The following GPC6 variants were observed in gnomAD, a reference collection of about 807,000 sequenced individuals.
GPC6 encodes glypican 6, also known as glypican-6.
GPC6 carries 14 observed loss-of-function variants against 55.2 expected under a neutral mutation model. The observed-to-expected ratio is 0.25, with a 90% CI of 0.17 to 0.40. The LOEUF is 0.40. GPC6 is among the 10% of genes least tolerant of loss of function. The probability of loss-of-function intolerance (pLI) is 1.00; values close to 1 mark genes in which losing one functional copy is unlikely to be tolerated. For synonymous variants in GPC6, 278 were observed against 259.6 expected (o/e 1.07, Z -0.68); for missense variants, 641 against 708.5 (o/e 0.90, Z 1.08).
intron 1 of GPC6, among the ~76,000 whole-genome samples, chr13:93,403,077 T>G (rs118099442): frequency 1.3e-5 from 2 of 152,168 alleles, no homozygotes; most frequent in African/African-American, 4.8e-5. Flanking sequence ...AAAATAAGGA[T>G]TTAATAAAAG....
At chr13:93,603,623 C>T (rs1436481638) in intron 2 of GPC6, among the ~76,000 whole-genome samples, 1 of 152,208 alleles carries the variant, frequency 6.6e-6, no homozygotes, top group Non-Finnish European at 1.5e-5. Context: ...TCTCACTGCT[C>T]TATCTCTCAA....
chr13:93,805,825 C>T (rs961453147), intron 2 of GPC6, among the ~76,000 whole-genome samples: 2 of 152,138 alleles, frequency 1.3e-5, no homozygotes, highest in Admixed American at 6.5e-5. Context: ...CTCATTTGTT[C>T]CCCTTTTATT....
intron 2 of GPC6, among the ~76,000 whole-genome samples, chr13:93,731,471 G>A (rs1314169102): frequency 6.6e-6 from 1 of 152,096 alleles, no homozygotes; most frequent in Non-Finnish European, 1.5e-5. Context: ...TTAGCTTGGT[G>A]GTTCTATCTC....
chr13:94,369,829 G>A (rs1349624485), intron 6 of GPC6, among the ~76,000 whole-genome samples: 4 of 152,022 alleles, frequency 2.6e-5, no homozygotes, highest in Non-Finnish European at 2.9e-5. Context: ...TTCCCTAAAA[G>A]CCTGAATGAA....
intron 4 of GPC6, among the ~76,000 whole-genome samples, chr13:94,207,966 A>G (rs543285075): frequency 3.3e-5 from 5 of 152,326 alleles, no homozygotes; most frequent in African/African-American, 9.6e-5. Context: ...CATTTGAGAT[A>G]AATTACCAGC....
chr13:94,272,838 C>G (rs7323312), intron 4 of GPC6, among the ~76,000 whole-genome samples: 22,216 of 151,938 alleles, frequency 0.15, 1,729 homozygotes, highest in Middle Eastern at 0.22. Flanking sequence ...TAGAAAGATA[C>G]CTGGCCGAAA....
intron 1 of GPC6, among the ~76,000 whole-genome samples, chr13:93,352,581 A>G (rs1880669830): frequency 6.6e-6 from 1 of 152,132 alleles, no homozygotes; most frequent in South Asian, 2.1e-4. Context: ...CATAGGTAGC[A>G]TCCTATGAGG....
chr13:93,541,693 T>A (rs2139427855), intron 1 of GPC6, among the ~76,000 whole-genome samples: 1 of 142,568 alleles, frequency 7.0e-6, no homozygotes, highest in Non-Finnish European at 1.5e-5. Flanking sequence ...CACCTGTTGT[T>A]TCCTGACTTT....
chr13:93,822,894 C>T (rs923654328), intron 2 of GPC6, among the ~76,000 whole-genome samples: 22 of 150,156 alleles, frequency 1.5e-4, no homozygotes, highest in African/African-American at 5.4e-4. Flanking sequence ...GATGGAGTCT[C>T]GCTCTGTCAC....
intron 2 of GPC6, among the ~76,000 whole-genome samples, chr13:93,743,054 T>A (rs1168601614): frequency 1.3e-5 from 2 of 152,118 alleles, no homozygotes; most frequent in Non-Finnish European, 2.9e-5. Context: ...AAAGTAGTTG[T>A]AGTTAGCTAC....
chr13:93,818,082 TTTA>T (rs996973277), intron 2 of GPC6, among the ~76,000 whole-genome samples: 1 of 147,724 alleles, frequency 6.8e-6, no homozygotes, highest in African/African-American at 2.5e-5. Flanking sequence ...ATCATATATA[TTTA>T]TTATATGTAT....
chr13:93,830,696 ATAATTCTGGCTTTC>A (rs1887457758), intron 3 of GPC6, 151 bp downstream of exon 3: 5 of 693,442 alleles, frequency 7.2e-6, no homozygotes, highest in Non-Finnish European at 1.2e-5. Flanking sequence ...ATATCAAAGC[ATAATTCTGGCTTTC>A]TTTTCCTTGC....
intron 2 of GPC6, among the ~76,000 whole-genome samples, chr13:93,618,206 T>C (rs1227010320): frequency 6.6e-6 from 1 of 152,116 alleles, no homozygotes; most frequent in Non-Finnish European, 1.5e-5. Flanking sequence ...ATATTTTATA[T>C]ATAAGTACAC....
At chr13:94,095,378 A>G (rs746068334) in intron 4 of GPC6, among the ~76,000 whole-genome samples, 1 of 152,356 alleles carries the variant, frequency 6.6e-6, no homozygotes, top group Non-Finnish European at 1.5e-5. Flanking sequence ...GATGTAATTT[A>G]TAATTCTCTA....
At chr13:93,924,349 T>C (rs756681435) in intron 3 of GPC6, among the ~76,000 whole-genome samples, 4 of 152,232 alleles carry the variant, frequency 2.6e-5, no homozygotes, top group Non-Finnish European at 5.9e-5. Flanking sequence ...ACACGCAGCC[T>C]GCACAGAGCT....
intron 4 of GPC6, among the ~76,000 whole-genome samples, chr13:94,177,793 A>G (rs1309007186): frequency 6.6e-6 from 1 of 152,198 alleles, no homozygotes; most frequent in Non-Finnish European, 1.5e-5. Flanking sequence ...ATTTTTAAAT[A>G]GGTCATAATT....
chr13:94,203,484 A>T (rs1254223725), intron 4 of GPC6, among the ~76,000 whole-genome samples: 1 of 152,202 alleles, frequency 6.6e-6, no homozygotes, highest in Non-Finnish European at 1.5e-5. Flanking sequence ...GTAAAAAATA[A>T]ATGATGTGTC....
At chr13:93,640,338 G>A (rs1879861257) in intron 2 of GPC6, among the ~76,000 whole-genome samples, 1 of 152,062 alleles carries the variant, frequency 6.6e-6, no homozygotes. Flanking sequence ...CTTACTATAT[G>A]CCAAGTACAT....
intron 4 of GPC6, among the ~76,000 whole-genome samples, chr13:94,272,122 G>A (rs1892047081): frequency 1.3e-5 from 2 of 151,972 alleles, no homozygotes; most frequent in South Asian, 4.1e-4. Context: ...ATGCACAGAA[G>A]TAGGAAAAAA....
Sources: allele counts gnomAD v4.1 joint callset (sites outside exome capture counted in the v4.1 genomes callset), GRCh38; gene constraint gnomAD v4.1.1; transcripts MANE v1.5; gene names NCBI Gene and HGNC (gene_info 2026-07-23, HGNC 2026-07-21).